Variants in CCDC178 observed in about 807,000 individuals in gnomAD.
The protein encoded by CCDC178 is coiled-coil domain containing 178, also known as coiled-coil domain-containing protein 178.
Under a neutral mutation model 117.4 loss-of-function variants are expected in CCDC178, and 126 were observed. The ratio of observed to expected loss-of-function variants is 1.07; its 90% confidence interval spans 0.93 to 1.24. The LOEUF (loss-of-function observed/expected upper bound fraction) is 1.24, where lower values mean the gene tolerates loss of function less well. CCDC178 is among the 50% of genes most tolerant of loss of function. The probability of loss-of-function intolerance (pLI) is 0.00; values close to 1 mark genes in which losing one functional copy is unlikely to be tolerated. For missense variants in CCDC178, 1,030 were observed against 986.9 expected (o/e 1.04, Z -0.59); for synonymous variants, 283 against 313.4 (o/e 0.90, Z 1.02).
chr18:33,327,123 C>T (rs2062594895), intron 10 of CCDC178, among the ~76,000 whole-genome samples: 1 of 152,084 alleles, frequency 6.6e-6, no homozygotes, highest in African/African-American at 2.4e-5. Flanking sequence ...TATTACATTT[C>T]CCCCAGCCCT....
At chr18:32,987,417 C>T (rs1406372232) in intron 21 of CCDC178, among the ~76,000 whole-genome samples, 1 of 151,728 alleles carries the variant, frequency 6.6e-6, no homozygotes, top group Non-Finnish European at 1.5e-5. Flanking sequence ...ATATATATAT[C>T]TAGGTCTATA....
At chr18:32,988,169 C>T (rs974479797) in intron 21 of CCDC178, among the ~76,000 whole-genome samples, 37 of 151,724 alleles carry the variant, frequency 2.4e-4, no homozygotes, top group Middle Eastern at 3.4e-3. Context: ...CGGTGGCTCA[C>T]GCCTGTAATC....
chr18:32,956,626 C>A (rs1010942605), intron 22 of CCDC178: 1 of 152,144 alleles, frequency 6.6e-6, no homozygotes, highest in Non-Finnish European at 1.5e-5. Flanking sequence ...ACAAAATCTT[C>A]TTTCCAGGGT....
chr18:33,034,317 C>T (rs544015973), intron 21 of CCDC178, among the ~76,000 whole-genome samples: 2 of 152,004 alleles, frequency 1.3e-5, no homozygotes, highest in Non-Finnish European at 2.9e-5. Flanking sequence ...ACAGTCTACA[C>T]AATTGCCTCA....
At chr18:33,336,008 T>C (rs2062735390) in intron 9 of CCDC178, among the ~76,000 whole-genome samples, 1 of 152,174 alleles carries the variant, frequency 6.6e-6, no homozygotes, top group African/African-American at 2.4e-5. Context: ...TTGCCTGACT[T>C]TACTACTAAC....
At chr18:32,964,179 T>G (rs905037761) in intron 22 of CCDC178, among the ~76,000 whole-genome samples, 3 of 152,048 alleles carry the variant, frequency 2.0e-5, no homozygotes, top group African/African-American at 4.8e-5. Flanking sequence ...TCATTAGCTA[T>G]AGTCAGCTTT....
At chr18:33,189,657 G>T (rs1156560369) in intron 20 of CCDC178, among the ~76,000 whole-genome samples, 1 of 152,124 alleles carries the variant, frequency 6.6e-6, no homozygotes, top group East Asian at 1.9e-4. Flanking sequence ...TTGAACATGA[G>T]AATCAGAAGA....
At chr18:33,422,976 C>A (rs2064050381) in intron 2 of CCDC178, among the ~76,000 whole-genome samples, 1 of 152,148 alleles carries the variant, frequency 6.6e-6, no homozygotes, top group South Asian at 2.1e-4. Context: ...AGCATCTCAG[C>A]AAATCACTAT....
intron 11 of CCDC178, among the ~76,000 whole-genome samples, chr18:33,314,137 C>T (rs1277714824): frequency 7.5e-6 from 1 of 132,900 alleles, no homozygotes; most frequent in Non-Finnish European, 1.6e-5. Flanking sequence ...GGAGGCGGAG[C>T]TTGCAGTGAG....
chr18:33,288,009 T>C (rs902039257), intron 12 of CCDC178, among the ~76,000 whole-genome samples: 6 of 152,136 alleles, frequency 3.9e-5, no homozygotes, highest in South Asian at 2.1e-4. Flanking sequence ...GTCAACAGTA[T>C]GTAATATTTT....
intron 2 of CCDC178, among the ~76,000 whole-genome samples, chr18:33,415,309 G>C (rs1046562548): frequency 1.3e-5 from 2 of 152,026 alleles, no homozygotes; most frequent in Non-Finnish European, 2.9e-5. Context: ...CCCAAATGTC[G>C]ATCAATGATA....
chr18:33,075,926 A>G (rs2057198310), intron 21 of CCDC178, among the ~76,000 whole-genome samples: 1 of 152,150 alleles, frequency 6.6e-6, no homozygotes, highest in Non-Finnish European at 1.5e-5. Context: ...CTGAGATTGC[A>G]CCACTACACT....
At chr18:33,292,551 T>G (rs1438582669) in intron 12 of CCDC178, among the ~76,000 whole-genome samples, 1 of 152,012 alleles carries the variant, frequency 6.6e-6, no homozygotes, top group Non-Finnish European at 1.5e-5. Flanking sequence ...TTCTGTATTT[T>G]CCACGAGGAT....
chr18:32,974,550 C>A lies in CCDC178; in HGVS notation c.2520G>T (p.Val840=). 3.1e-6 allele frequency: 5 copies of A among 1,613,298 alleles called. No individual in the cohort carries two copies. The highest frequency in any genetic ancestry group is 4.2e-6 in the Non-Finnish European group (5 of 1,179,672). The change falls in exon 22 of 23, where the codon GTG becomes GTT. Residue 840 remains valine, a synonymous_variant. Coordinates refer to ENST00000383096, the MANE Select transcript of CCDC178 (RefSeq NM_001105528.4). The part of the protein sequence containing the change: ...SQESIQKILA[V]QEESSNLMQH... ...CTACTTCCCTGCAATCACCTACCTG[C>A]ACAGCTAATATTTTCTGAATACTCT...
At chr18:33,220,685 C>T (rs1270398731) in intron 18 of CCDC178, among the ~76,000 whole-genome samples, 1 of 152,032 alleles carries the variant, frequency 6.6e-6, no homozygotes. Context: ...TGCCCTTTGT[C>T]AGCACATTGA....
At chr18:33,126,544 T>C (rs1413640179) in intron 20 of CCDC178, among the ~76,000 whole-genome samples, 1 of 151,954 alleles carries the variant, frequency 6.6e-6, no homozygotes, top group Non-Finnish European at 1.5e-5. Context: ...CTGCATATAC[T>C]GAAATCCACT....
At chr18:33,343,884 G>GA in intron 9 of CCDC178, among the ~76,000 whole-genome samples, 1 of 152,028 alleles carries the variant, frequency 6.6e-6, no homozygotes, top group Non-Finnish European at 1.5e-5. Flanking sequence ...AAAAATATAT[G>GA]TCTCTATACT....
At chr18:33,172,830 A>G (rs1293154838) in intron 20 of CCDC178, among the ~76,000 whole-genome samples, 3 of 152,182 alleles carry the variant, frequency 2.0e-5, no homozygotes, top group South Asian at 4.1e-4. Context: ...TGAAGGATGC[A>G]TAATTCTTTC....
At chr18:33,044,897 T>C (rs1362914194) in intron 21 of CCDC178, among the ~76,000 whole-genome samples, 1 of 152,136 alleles carries the variant, frequency 6.6e-6, no homozygotes, top group Non-Finnish European at 1.5e-5. Context: ...AGGCCATTGT[T>C]CTGAGGGAAA....
Sources: gnomAD v4.1 joint callset for allele counts (sites outside exome capture counted in the v4.1 genomes callset) on GRCh38, gnomAD v4.1.1 for gene constraint, MANE v1.5 for transcripts, NCBI Gene and HGNC (gene_info 2026-07-23, HGNC 2026-07-21) for gene names.